The following EIF4A2 variants were observed in gnomAD, a reference collection of about 807,000 sequenced individuals.
The protein encoded by EIF4A2 is eukaryotic initiation factor 4A-II.
In EIF4A2, 9 loss-of-function variants were observed where a neutral mutation model predicts 50.6. The observed-to-expected ratio is 0.18, with a 90% CI of 0.11 to 0.31. The LOEUF is 0.31. Among genes scored for constraint, EIF4A2 ranks in the 10% least tolerant of loss-of-function variants. EIF4A2 has a pLI of 1.00. For missense variants in EIF4A2, 182 were observed against 501.8 expected, an observed-to-expected ratio of 0.36 and a Z score of 6.09; for synonymous variants, 215 against 164.4, an observed-to-expected ratio of 1.31 and a Z score of -2.35.
chr3:186,783,988 T>C (rs748883741), intron 1 of EIF4A2: 3 of 420,366 alleles, frequency 7.1e-6, no homozygotes, highest in Non-Finnish European at 1.3e-5. Flanking sequence ...TTTTCGGTCA[T>C]CCACACGAGT....
chr3:186,789,809 T>G lies in EIF4A2; in HGVS notation c.*540T>G, dbSNP rs1722008306. On this transcript the variant is annotated 3_prime_UTR_variant, in exon 11 of 11. Coordinates refer to ENST00000323963, the MANE Select transcript of EIF4A2 (RefSeq NM_001967.4). ...GTTGCTAAGCCCCAGCAAGCAATCC[T>G]AGGTAGGGTTTAATCCCCAGTAAAA... The G allele has an allele frequency of 3.3e-6, 2 of 603,032 alleles. No individual in the cohort carries two copies. Among genetic ancestry groups the G allele is most frequent in the African/African-American group, 3.7e-5 (2 of 53,946 alleles). 37.4% of individuals were successfully genotyped at this position (603,032 alleles called of 1,614,324 possible). A position where few individuals can be genotyped will look rare whatever the true frequency, so the allele number is the denominator to read the frequency against.
chr3:186,784,371 G>T (rs1721567287), intron 1 of EIF4A2, 61 bp from the exon 2 acceptor site: 2 of 1,613,172 alleles, frequency 1.2e-6, no homozygotes, highest in African/African-American at 1.3e-5. Context: ...AGGGCTATGC[G>T]CTTAAGGTGC....
At chr3:186,784,735 A>C (rs201418586) in intron 3 of EIF4A2, 39 bp downstream of exon 3, 37 of 1,611,492 alleles carry the variant, frequency 2.3e-5, no homozygotes, top group Non-Finnish European at 2.9e-5. Context: ...TGTTCTACAT[A>C]GACATGAACC....
At chr3:186,784,274 T>G (rs751963985) in intron 1 of EIF4A2, 158 bp from the exon 2 acceptor site, 2 of 1,085,726 alleles carry the variant, frequency 1.8e-6, no homozygotes, top group Admixed American at 2.4e-5. Context: ...CCCCAACCTT[T>G]AGGGAAGGCG....
intron 10 of EIF4A2, 144 bp from the exon 11 acceptor site, chr3:186,788,981 G>C (rs914495992): frequency 1.3e-5 from 15 of 1,174,864 alleles, no homozygotes; most frequent in African/African-American, 1.6e-5. Context: ...CTCTAGATAT[G>C]CATTAGCAGC....
At chr3:186,787,967 G>GGA in intron 10 of EIF4A2, 85 bp downstream of exon 10, 2 of 1,398,362 alleles carry the variant, frequency 1.4e-6, no homozygotes, top group Non-Finnish European at 2.0e-6. Context: ...ATCAAATCAA[G>GGA]GAATAGATTC....
At position 186,789,871 on chromosome 3, in the gene EIF4A2, T is replaced by TTAAA. The variant is rs1231034234; in HGVS notation, c.*608_*611dup. On this transcript the variant is annotated 3_prime_UTR_variant, in exon 11 of 11. Coordinates refer to ENST00000323963, the MANE Select transcript of EIF4A2 (RefSeq NM_001967.4). Reference sequence around the variant, plus strand: ...CACATGTCTTAATGAAGTTTGAATGTTAAATAAATTGTATATTCACTTTAA... The same window carrying TTAAA: ...CACATGTCTTAATGAAGTTTGAATGTTAAATAAATAAATTGTATATTCACTTTAA... 10 of 786,454 alleles carry TTAAA rather than the reference T, an allele frequency of 1.3e-5. No homozygotes were observed. The highest frequency in any genetic ancestry group is 2.7e-5 in the East Asian group (1 of 37,294). 48.7% of individuals were successfully genotyped at this position (786,454 alleles called of 1,614,324 possible).
intron 1 of EIF4A2, 144 bp from the exon 2 acceptor site, chr3:186,784,288 A>C: frequency 1.7e-6 from 2 of 1,192,702 alleles, no homozygotes; most frequent in Non-Finnish European, 2.4e-6. Context: ...GAAGGCGCAC[A>C]GTGTGGATAT....
chr3:186,789,227 T>C lies in EIF4A2; in HGVS notation c.1182T>C (p.Thr394=), dbSNP rs1379931554. ...GTGACATTGAGACTTTCTACAATAC[T>C]ACAGTGGAGGAGATGCCCATGAATG... is the stretch of plus-strand genomic sequence containing the variant. ...ILRDIETFYN[T]TVEEMPMNVA... The change falls in exon 11 of 11, where the codon ACT becomes ACC. Residue 394 remains threonine (T), a synonymous_variant. Coordinates refer to ENST00000323963, the MANE Select transcript of EIF4A2 (RefSeq NM_001967.4). 2.5e-6 allele frequency: 4 copies of C among 1,612,376 alleles called. No individual in the cohort carries two copies. The highest frequency in any genetic ancestry group is 3.4e-6 in the Non-Finnish European group (4 of 1,179,610).
intron 8 of EIF4A2, 68 bp from the exon 9 acceptor site, chr3:186,787,427 T>A (rs747345119): frequency 6.2e-7 from 1 of 1,609,996 alleles, no homozygotes; most frequent in South Asian, 1.1e-5. Context: ...CTTGGTCTCA[T>A]ACATGTTGAT....
At chr3:186,788,949 A>T in intron 10 of EIF4A2, 176 bp from the exon 11 acceptor site, 1 of 823,684 alleles carries the variant, frequency 1.2e-6, no homozygotes, top group Non-Finnish European at 1.8e-6. Context: ...TTTTGGCACT[A>T]ACTGCAAAGG....
rs1466998766 is a variant in EIF4A2, at chr3:186,789,856, A to C, written c.*587A>C. 9 of 739,632 alleles carry C rather than the reference A, an allele frequency of 1.2e-5. No individual in the cohort carries two copies. The highest frequency in any genetic ancestry group is 1.8e-5 in the Non-Finnish European group (8 of 450,832). The allele number at this position is 739,632 out of a possible 1,614,324, so 45.8% of individuals were successfully genotyped here. On this transcript the variant is annotated 3_prime_UTR_variant, in exon 11 of 11. Coordinates refer to ENST00000323963, the MANE Select transcript of EIF4A2 (RefSeq NM_001967.4). ...AAAATTGCCATATTGCACATGTCTTAATGAAGTTTGAATGTTAAATAAATT... is the reference window on the plus strand; with the variant it reads ...AAAATTGCCATATTGCACATGTCTTCATGAAGTTTGAATGTTAAATAAATT...
At chr3:186,787,361 A>G (rs1399176954) in intron 8 of EIF4A2, 97 bp downstream of exon 8, 2 of 1,611,996 alleles carry the variant, frequency 1.2e-6, no homozygotes, top group Non-Finnish European at 1.7e-6. Context: ...CCTGCTTAAA[A>G]TAAAGTTGTT....
rs375367664 is a variant in EIF4A2, at chr3:186,786,282, T to G, written c.627+9T>G. The stretch of plus-strand genomic sequence containing the variant: ...TAAACACAAGTATTCAGGTAAGCAT[T>G]ACTTCACCCCCCTCTTAAAGGTAGA... On this transcript the variant is annotated intron_variant, in intron 6 of 10. Coordinates refer to ENST00000323963, the MANE Select transcript of EIF4A2 (RefSeq NM_001967.4). The G allele has an allele frequency of 6.2e-7, 1 of 1,608,730 alleles. No homozygotes were observed. Among genetic ancestry groups the G allele is most frequent in the East Asian group, 2.2e-5 (1 of 44,816 alleles).
intron 9 of EIF4A2, 97 bp from the exon 10 acceptor site, chr3:186,787,706 C>G (rs771464452): frequency 6.3e-7 from 1 of 1,579,688 alleles, no homozygotes; most frequent in African/African-American, 1.3e-5. Context: ...CCACAGTGGG[C>G]TATACCACTT....
At chr3:186,788,475 G>C in intron 10 of EIF4A2, 1 of 1,207,150 alleles carries the variant, frequency 8.3e-7, no homozygotes, top group South Asian at 1.5e-5. Flanking sequence ...AGTTGCTCCA[G>C]CTAAGGCATT....
rs1721782883 is a variant in EIF4A2 at position 186,787,246 on chromosome 3, C to T, written c.891C>T (p.Asp297=). Residue 297 remains aspartate (D), a synonymous_variant, in exon 8 of 11, where the codon GAC becomes GAT. Transcript: ENST00000323963. The part of the protein sequence containing the change: ...DWLTEKMHAR[D]FTVSALHGDM... ...TGACTGAGAAGATGCATGCCAGAGA[C>T]TTCACAGTTTCTGCTCTGGTAAGAG... 1 of 1,614,114 alleles carries T rather than the reference C, an allele frequency of 6.2e-7. No individual in the cohort carries two copies. The highest frequency in any genetic ancestry group is 1.3e-5 in the African/African-American group (1 of 75,036).
intron 4 of EIF4A2, chr3:186,785,317 C>G: frequency 1.6e-6 from 1 of 633,890 alleles, no homozygotes; most frequent in Non-Finnish European, 2.6e-6. Context: ...GAATCCGAAG[C>G]GCTCTCTTGG....
At chr3:186,784,775 A>G (rs1721591594) in intron 3 of EIF4A2, 79 bp downstream of exon 3, 3 of 1,607,320 alleles carry the variant, frequency 1.9e-6, no homozygotes, top group Non-Finnish European at 2.5e-6. Context: ...CTGGGGGACT[A>G]GCACCTGTTT....
Sources: gnomAD v4.1 joint callset for allele counts on GRCh38, gnomAD v4.1.1 for gene constraint, MANE v1.5 for transcripts, NCBI Gene and HGNC (gene_info 2026-07-23, HGNC 2026-07-21) for gene names.